Variants in DISP1 observed in about 807,000 individuals in gnomAD.
DISP1 encodes the protein protein dispatched homolog 1.
Under a neutral mutation model 37.3 loss-of-function variants are expected in DISP1, and 30 were observed. The observed-to-expected ratio is 0.80, with a 90% CI of 0.60 to 1.09. The LOEUF (loss-of-function observed/expected upper bound fraction) is 1.09. DISP1 is among the 50% of genes least tolerant of loss of function. The probability of loss-of-function intolerance (pLI) is 0.00; values close to 1 mark genes in which losing one functional copy is unlikely to be tolerated. For missense variants in DISP1, 1,598 were observed against 1,879.5 expected (o/e 0.85, Z 2.77); for synonymous variants, 634 against 690.2 (o/e 0.92, Z 1.28).
chr1:222,957,266 A>C lies in DISP1; in HGVS notation c.509+13934A>C, dbSNP rs529029833. Reference sequence around the variant, plus strand: ...ATACTGCTCTTTTCTTCTCCCCCTGATAAGTGGCAGAGAAAAATGTGTTTA... The same window carrying C: ...ATACTGCTCTTTTCTTCTCCCCCTGCTAAGTGGCAGAGAAAAATGTGTTTA... On this transcript the variant is annotated intron_variant, in intron 3 of 8. Coordinates refer to ENST00000675850, the MANE Select transcript of DISP1 (RefSeq NM_001377229.1). Among the ~76,000 whole-genome samples the C allele has an allele frequency of 1.3e-4, 20 of 151,788 alleles. No homozygotes were observed. The East Asian group carries it at 3.9e-3, about 29-fold the overall frequency.
intron 1 of DISP1, among the ~76,000 whole-genome samples, chr1:222,816,953 T>C (rs867061113): frequency 1.3e-5 from 2 of 152,218 alleles, no homozygotes; most frequent in Non-Finnish European, 2.9e-5. Flanking sequence ...TTTTGAGAAA[T>C]AAAGCACTTG....
chr1:222,882,078 A>G (rs546433216), intron 1 of DISP1, among the ~76,000 whole-genome samples: 7 of 152,304 alleles, frequency 4.6e-5, no homozygotes, highest in Admixed American at 2.6e-4. Context: ...TTTCTTTTCT[A>G]TAGAATTGGA....
At chr1:222,982,847 A>G (rs1452448144) in intron 3 of DISP1, among the ~76,000 whole-genome samples, 1 of 152,100 alleles carries the variant, frequency 6.6e-6, no homozygotes, top group East Asian at 1.9e-4. Flanking sequence ...GAGTCTGGGA[A>G]GGTTCTGCCT....
intron 6 of DISP1, 86 bp from the exon 7 acceptor site, chr1:222,991,927 C>T: frequency 9.1e-7 from 1 of 1,097,088 alleles, no homozygotes; most frequent in Non-Finnish European, 1.4e-6. Flanking sequence ...CAGGTCATGG[C>T]TTTGAGGAAG....
At chr1:222,977,092 C>T (rs980328964) in intron 3 of DISP1, among the ~76,000 whole-genome samples, 24 of 152,236 alleles carry the variant, frequency 1.6e-4, no homozygotes, top group Non-Finnish European at 2.6e-4. Context: ...TACAATGGCG[C>T]GATCTCGGTT....
intron 1 of DISP1, among the ~76,000 whole-genome samples, chr1:222,842,607 G>A (rs1185452945): frequency 6.6e-6 from 1 of 151,944 alleles, no homozygotes; most frequent in African/African-American, 2.4e-5. Context: ...GCTGGAATAT[G>A]GTTTTATAAT....
At chr1:222,887,493 T>TG (rs1241885961) in intron 1 of DISP1, among the ~76,000 whole-genome samples, 5 of 102,166 alleles carry the variant, frequency 4.9e-5, no homozygotes, top group Non-Finnish European at 1.1e-4. Flanking sequence ...TTTGTTTTTT[T>TG]TTTTTTTTTT....
At chr1:222,827,627 ATAAT>A (rs1196104040) in intron 1 of DISP1, 7 of 152,158 alleles carry the variant, frequency 4.6e-5, no homozygotes, top group Non-Finnish European at 8.8e-5. Context: ...TTAAATTTAT[ATAAT>A]TAATAATCAT....
intron 7 of DISP1, among the ~76,000 whole-genome samples, chr1:222,994,516 C>T (rs1678921945): frequency 6.6e-6 from 1 of 152,102 alleles, no homozygotes; most frequent in Admixed American, 6.5e-5. Flanking sequence ...TTGGTATTCC[C>T]TAGTGCATCT....
intron 3 of DISP1, among the ~76,000 whole-genome samples, chr1:222,951,244 A>G (rs2125516244): frequency 6.6e-6 from 1 of 152,268 alleles, no homozygotes; most frequent in East Asian, 1.9e-4. Context: ...TAATTTTTAT[A>G]ACTTACATTT....
At chr1:222,897,707 G>A (rs1320508399) in intron 1 of DISP1, among the ~76,000 whole-genome samples, 1 of 151,984 alleles carries the variant, frequency 6.6e-6, no homozygotes, top group Non-Finnish European at 1.5e-5. Flanking sequence ...GAAATAATGA[G>A]GTAAGCCTTA....
At chr1:222,885,445 C>T (rs1359013126) in intron 1 of DISP1, among the ~76,000 whole-genome samples, 2 of 151,312 alleles carry the variant, frequency 1.3e-5, no homozygotes, top group African/African-American at 4.9e-5. Flanking sequence ...CACCCTAGAG[C>T]TCCAAGGAGC....
At chr1:222,937,129 G>A (rs369280947) in intron 2 of DISP1, among the ~76,000 whole-genome samples, 58 of 142,542 alleles carry the variant, frequency 4.1e-4, no homozygotes, top group African/African-American at 1.2e-3. Context: ...TTGCTCTGTC[G>A]CCCAGGCTGG....
intron 1 of DISP1, among the ~76,000 whole-genome samples, chr1:222,862,725 G>A (rs116461201): frequency 0.02 from 3,099 of 151,972 alleles, 52 homozygotes; most frequent in Middle Eastern, 0.044. Context: ...TAGAAATAGA[G>A]TCTCCCTATG....
intron 8 of DISP1, among the ~76,000 whole-genome samples, chr1:222,996,534 CT>C (rs1679081872): frequency 6.6e-6 from 1 of 152,156 alleles, no homozygotes; most frequent in African/African-American, 2.4e-5. Context: ...CAGACCTTCC[CT>C]TTCCTGAAGA....
At chr1:222,955,520 C>T (rs1489039703) in intron 3 of DISP1, among the ~76,000 whole-genome samples, 1 of 152,168 alleles carries the variant, frequency 6.6e-6, no homozygotes, top group Non-Finnish European at 1.5e-5. Context: ...TTTTCCTGGG[C>T]CCAGGCCCAG....
chr1:222,932,123 C>T (rs1039303462), intron 2 of DISP1, among the ~76,000 whole-genome samples: 1 of 151,936 alleles, frequency 6.6e-6, no homozygotes, highest in Non-Finnish European at 1.5e-5. Flanking sequence ...TATTTTCAGA[C>T]TGTTGAATAT....
intron 1 of DISP1, among the ~76,000 whole-genome samples, chr1:222,920,039 A>G (rs1402646134): frequency 6.6e-6 from 1 of 152,188 alleles, no homozygotes; most frequent in Non-Finnish European, 1.5e-5. Context: ...TACGGAGTCT[A>G]ACTTTTGGAA....
chr1:222,892,545 T>C (rs1373710569), intron 1 of DISP1, among the ~76,000 whole-genome samples: 1 of 152,224 alleles, frequency 6.6e-6, no homozygotes, highest in Non-Finnish European at 1.5e-5. Flanking sequence ...TTAATGTTGC[T>C]AGGAGATCTG....
Sources: gnomAD v4.1 joint callset for allele counts (sites outside exome capture counted in the v4.1 genomes callset) on GRCh38, gnomAD v4.1.1 for gene constraint, MANE v1.5 for transcripts, NCBI Gene and HGNC (gene_info 2026-07-23, HGNC 2026-07-21) for gene names.